The following NOCT variants were observed in gnomAD, a reference collection of about 807,000 sequenced individuals.
NOCT encodes nocturnin, also known as CCR4 carbon catabolite repression 4-like.
A neutral mutation model predicts 35.0 loss-of-function variants in NOCT; 18 were observed. The observed-to-expected ratio is 0.51, with a 90% CI of 0.36 to 0.76. The LOEUF (loss-of-function observed/expected upper bound fraction) is 0.76. NOCT is among the 30% of genes least tolerant of loss of function. The probability of loss-of-function intolerance (pLI) is 0.01; values close to 1 mark genes in which losing one functional copy is unlikely to be tolerated. For synonymous variants in NOCT, 235 were observed against 226.3 expected, an observed-to-expected ratio of 1.04 and a Z score of -0.34; for missense variants, 479 against 541.0, an observed-to-expected ratio of 0.89 and a Z score of 1.14.
At chr4:139,043,377 G>A (rs904491053) in intron 2 of NOCT, 34 bp downstream of exon 2, 6 of 1,599,076 alleles carry the variant, frequency 3.8e-6, no homozygotes, top group Non-Finnish European at 4.3e-6. Context: ...CTGCAGTCAA[G>A]TTTGCTGTGA....
chr4:139,032,869 A>G (rs1332735068), intron 1 of NOCT, among the ~76,000 whole-genome samples: 1 of 152,170 alleles, frequency 6.6e-6, no homozygotes, highest in African/African-American at 2.4e-5. Context: ...GTATGAAAGG[A>G]ATTTTTTTTA....
intron 1 of NOCT, among the ~76,000 whole-genome samples, chr4:139,038,269 A>G (rs1198008324): frequency 6.6e-6 from 1 of 152,148 alleles, no homozygotes; most frequent in East Asian, 1.9e-4. Context: ...TGGCACAGCT[A>G]AATAGTCATA....
chr4:139,016,757 G>T (rs1726314844), intron 1 of NOCT, among the ~76,000 whole-genome samples: 1 of 135,850 alleles, frequency 7.4e-6, no homozygotes, highest in African/African-American at 2.8e-5. Flanking sequence ...GGGTTCAAGC[G>T]ATTCTCCTGC....
Position 139,045,511 on chromosome 4 carries a change from T to TA in NOCT, c.*37_*38insA. On this transcript the variant is annotated 3_prime_UTR_variant, in exon 3 of 3. Coordinates refer to ENST00000280614, the MANE Select transcript of NOCT (RefSeq NM_012118.4). Reference sequence around the variant, plus strand: ...TGTCTTTTTAATCACAGGAGTCTATTTTTTTTTTTTTTTTTTTTTTTTTGA... The same window carrying TA: ...TGTCTTTTTAATCACAGGAGTCTATTATTTTTTTTTTTTTTTTTTTTTTTGA... 1.4e-6 allele frequency: 1 copy of TA among 739,134 alleles called. No individual in the cohort carries two copies. The highest frequency in any genetic ancestry group is 2.0e-6 in the Non-Finnish European group (1 of 512,196). The allele number at this position is 739,134 out of a possible 1,614,324, so 45.8% of individuals were successfully genotyped here.
In NOCT at chr4:139,043,438, A is replaced by G. The variant is rs895906588; in HGVS notation, c.460+95A>G. ...CAGTGCACTGTTTTATGTGGAAGGAAGAGGTGTGGGCAGATGGAGGTGACT... is the reference window on the plus strand; with the variant it reads ...CAGTGCACTGTTTTATGTGGAAGGAGGAGGTGTGGGCAGATGGAGGTGACT... On this transcript the variant is annotated intron_variant, in intron 2 of 2. Coordinates refer to ENST00000280614, the MANE Select transcript of NOCT (RefSeq NM_012118.4). The G allele has an allele frequency of 2.4e-6, 3 of 1,274,210 alleles. No homozygotes were observed. The African/African-American group carries it at 4.4e-5, about 19-fold the overall frequency. 78.9% of individuals were successfully genotyped at this position (1,274,210 alleles called of 1,614,324 possible).
intron 1 of NOCT, among the ~76,000 whole-genome samples, chr4:139,038,398 C>T (rs945481248): frequency 2.0e-5 from 3 of 151,998 alleles, no homozygotes; most frequent in Non-Finnish European, 2.9e-5. Context: ...AAGAGGATCT[C>T]AGGCCAAATA....
chr4:139,045,507 C>CTCTTTTT lies in NOCT; in HGVS notation c.*34_*35insCTTTTTT, dbSNP rs761959376. ...CTTTTGTCTTTTTAATCACAGGAGTCTATTTTTTTTTTTTTTTTTTTTTTT... is the reference window on the plus strand; with the variant it reads ...CTTTTGTCTTTTTAATCACAGGAGTCTCTTTTTTATTTTTTTTTTTTTTTTTTTTTTT... On this transcript the variant is annotated 3_prime_UTR_variant, in exon 3 of 3. Coordinates refer to ENST00000280614, the MANE Select transcript of NOCT (RefSeq NM_012118.4). 1 of 404,842 alleles carries CTCTTTTT rather than the reference C, an allele frequency of 2.5e-6. No homozygotes were observed. The highest frequency in any genetic ancestry group is 4.1e-5 in the African/African-American group (1 of 24,564). 25.1% of individuals were successfully genotyped at this position (404,842 alleles called of 1,614,324 possible).
At chr4:139,030,865 T>C in intron 1 of NOCT, among the ~76,000 whole-genome samples, 1 of 152,200 alleles carries the variant, frequency 6.6e-6, no homozygotes, top group Non-Finnish European at 1.5e-5. Context: ...CTTGTGCCAT[T>C]GATGGCTTAG....
chr4:139,024,083 A>C (rs1726472445), intron 1 of NOCT, among the ~76,000 whole-genome samples: 1 of 144,804 alleles, frequency 6.9e-6, no homozygotes, highest in African/African-American at 2.6e-5. Flanking sequence ...TTTTAGAGAC[A>C]GAGTCTCCAC....
chr4:139,043,345 T>C lies in NOCT; in HGVS notation c.460+2T>C. 1 of 1,611,710 alleles carries C rather than the reference T, an allele frequency of 6.2e-7. No individual in the cohort carries two copies. Among genetic ancestry groups the C allele is most frequent in the South Asian group, 1.1e-5 (1 of 91,038 alleles). ...TGCAATGGAACATCCTCGCCCAAGG[T>C]ATGCTGGATGCTTTTGTGCCTCTGC... On this transcript the variant is annotated splice_donor_variant, in intron 2 of 2. Transcript: ENST00000280614. LOFTEE classifies it high-confidence loss of function.
At chr4:139,032,002 C>CGGT (rs1726637117) in intron 1 of NOCT, among the ~76,000 whole-genome samples, 1 of 152,114 alleles carries the variant, frequency 6.6e-6, no homozygotes, top group Non-Finnish European at 1.5e-5. Flanking sequence ...GGTGAGCTAC[C>CGGT]ACGCCCAGCC....
At chr4:139,017,115 C>G (rs1373564504) in intron 1 of NOCT, among the ~76,000 whole-genome samples, 1 of 151,804 alleles carries the variant, frequency 6.6e-6, no homozygotes, top group African/African-American at 2.4e-5. Flanking sequence ...TCCTTTTTTG[C>G]TACCTCTGTT....
intron 1 of NOCT, among the ~76,000 whole-genome samples, chr4:139,029,974 C>T (rs987128565): frequency 2.6e-5 from 4 of 152,190 alleles, no homozygotes; most frequent in Non-Finnish European, 4.4e-5. Context: ...TCACTGCAAC[C>T]TCTGCCTTCC....
chr4:139,024,028 C>T (rs1247679244), intron 1 of NOCT, among the ~76,000 whole-genome samples: 1 of 147,230 alleles, frequency 6.8e-6, no homozygotes, highest in Non-Finnish European at 1.5e-5. Context: ...TGGATCTATC[C>T]TCCGTGTCTA....
At chr4:139,024,045 CTTT>C (rs368349308) in intron 1 of NOCT, among the ~76,000 whole-genome samples, 8 of 130,994 alleles carry the variant, frequency 6.1e-5, no homozygotes, top group Admixed American at 8.2e-5. Flanking sequence ...TCTATTCATC[CTTT>C]TTTTTTTTTT....
In NOCT at chr4:139,015,847, C is replaced by A; in HGVS notation, c.-135C>A. On this transcript the variant is annotated 5_prime_UTR_variant, in exon 1 of 3. Coordinates refer to ENST00000280614, the MANE Select transcript of NOCT (RefSeq NM_012118.4). ...TCTGCTGCCCGGGATTTCCCCAGAA[C>A]CTGCGCCGCGCGAGAAGGAGCCTGG... The A allele has an allele frequency of 3.0e-6, 2 of 667,896 alleles. No homozygotes were observed. The highest frequency in any genetic ancestry group is 4.2e-6 in the Non-Finnish European group (2 of 481,090). The allele number at this position is 667,896 out of a possible 1,614,324, so 41.4% of individuals were successfully genotyped here.
intron 1 of NOCT, among the ~76,000 whole-genome samples, chr4:139,035,080 T>C (rs548788495): frequency 2.0e-4 from 30 of 152,290 alleles, no homozygotes; most frequent in African/African-American, 7.0e-4. Flanking sequence ...TCCTAACCAC[T>C]GTAGTTGGCA....
intron 1 of NOCT, chr4:139,028,038 C>T (rs889580805): frequency 6.6e-6 from 1 of 152,180 alleles, no homozygotes; most frequent in Non-Finnish European, 1.5e-5. Flanking sequence ...TATTTCCACT[C>T]ACACTGTAAA....
At chr4:139,017,455 C>G (rs947049740) in intron 1 of NOCT, among the ~76,000 whole-genome samples, 13 of 151,368 alleles carry the variant, frequency 8.6e-5, no homozygotes, top group South Asian at 8.3e-4. Context: ...CTCGAACTCC[C>G]TAGCTCAGGT....
Sources: gnomAD v4.1 joint callset for allele counts (sites outside exome capture counted in the v4.1 genomes callset) on GRCh38, gnomAD v4.1.1 for gene constraint, MANE v1.5 for transcripts, NCBI Gene and HGNC (gene_info 2026-07-23, HGNC 2026-07-21) for gene names.